The following ITGAV variants were observed in gnomAD, a reference collection of about 807,000 sequenced individuals.
ITGAV encodes the protein integrin subunit alpha V.
A neutral mutation model predicts 143.8 loss-of-function variants in ITGAV; 76 were observed. The ratio of observed to expected loss-of-function variants is 0.53; its 90% CI spans 0.44 to 0.64. The LOEUF (loss-of-function observed/expected upper bound fraction) is 0.64, where lower values mean the gene tolerates loss of function less well. Among genes scored for constraint, ITGAV ranks in the 30% least tolerant of loss-of-function variants. The probability of loss-of-function intolerance (pLI) is 0.00; values close to 1 mark genes in which losing one functional copy is unlikely to be tolerated. For missense variants in ITGAV, 1,193 were observed against 1,274.7 expected, an observed-to-expected ratio of 0.94 and a Z score of 0.98; for synonymous variants, 453 against 446.7, an observed-to-expected ratio of 1.01 and a Z score of -0.18.
chr2:186,597,553 A>G (rs1220897931), intron 1 of ITGAV, among the ~76,000 whole-genome samples: 1 of 152,210 alleles, frequency 6.6e-6, no homozygotes, highest in African/African-American at 2.4e-5. Context: ...CCCTACATTC[A>G]AAGAAGCAAT....
intron 2 of ITGAV, among the ~76,000 whole-genome samples, chr2:186,615,379 A>C (rs1687323971): frequency 6.6e-6 from 1 of 152,026 alleles, no homozygotes; most frequent in Non-Finnish European, 1.5e-5. Context: ...AAAACTGTCA[A>C]ACTATTTTCA....
intron 17 of ITGAV, among the ~76,000 whole-genome samples, chr2:186,657,086 T>C (rs927302574): frequency 6.6e-6 from 1 of 151,928 alleles, no homozygotes; most frequent in Non-Finnish European, 1.5e-5. Flanking sequence ...AGCACAAATT[T>C]GTATAAAATG....
chr2:186,602,301 A>G (rs1232816766), intron 2 of ITGAV, 150 bp downstream of exon 2: 6 of 599,026 alleles, frequency 1.0e-5, no homozygotes, highest in African/African-American at 7.6e-5. Flanking sequence ...ACGATTTATT[A>G]TATGATTTTT....
At position 186,678,811 on chromosome 2, in the gene ITGAV, T is replaced by C. The variant is rs1412243076; in HGVS notation, c.*1519T>C. Reference sequence around the variant, plus strand: ...AACTGCTGTCCTCATTAGGTAATGATAAATATTTCCCTTAAATAATTGACT... The same window carrying C: ...AACTGCTGTCCTCATTAGGTAATGACAAATATTTCCCTTAAATAATTGACT... On this transcript the variant is annotated 3_prime_UTR_variant, in exon 30 of 30. Transcript: ENST00000261023. 2.3e-6 allele frequency: 1 copy of C among 433,024 alleles called. No homozygotes were observed. The highest frequency in any genetic ancestry group is 7.2e-5 in the East Asian group (1 of 13,910). The allele number at this position is 433,024 out of a possible 1,614,324, so 26.8% of individuals were successfully genotyped here.
chr2:186,636,766 A>G (rs61765173), intron 7 of ITGAV, among the ~76,000 whole-genome samples: 41 of 152,306 alleles, frequency 2.7e-4, no homozygotes, highest in African/African-American at 9.6e-4. Context: ...GTACTTGCTG[A>G]TTGAGAGAAT....
intron 21 of ITGAV, among the ~76,000 whole-genome samples, chr2:186,666,150 G>A (rs1688890389): frequency 6.6e-6 from 1 of 152,146 alleles, no homozygotes; most frequent in Admixed American, 6.5e-5. Flanking sequence ...TCCCCAAGAA[G>A]CCTTCTTTTT....
chr2:186,652,173 C>T, intron 15 of ITGAV, 84 bp downstream of exon 15: 1 of 816,498 alleles, frequency 1.2e-6, no homozygotes, highest in African/African-American at 1.7e-5. Context: ...GGTGGTAGGG[C>T]TGAAATATTG....
At position 186,659,082 on chromosome 2, in the gene ITGAV, T is replaced by A; in HGVS notation, c.1764T>A (p.Phe588Leu). 6.2e-7 allele frequency: 1 copy of A among 1,610,900 alleles called. No homozygotes were observed. The highest frequency in any genetic ancestry group is 8.5e-7 in the Non-Finnish European group (1 of 1,177,286). Reference protein sequence around the residue: ...FRDKLTPITIFMEYRLDYRTA... With the variant: ...FRDKLTPITILMEYRLDYRTA... ...ACAAACTCACTCCAATTACTATTTT[T>A]ATGGAATATCGGTTGGATTATAGAA... is the stretch of plus-strand genomic sequence containing the variant. The change falls in exon 18 of 30, where the codon TTT becomes TTA. Residue 588 changes from phenylalanine (F) to leucine (L), a missense_variant. By Grantham distance (22) the Phe-to-Leu change is conservative (BLOSUM62 0). Transcript: ENST00000261023.
rs553554038 is a variant in ITGAV at position 186,680,835 on chromosome 2, A to G, written c.*3543A>G. On this transcript the variant is annotated 3_prime_UTR_variant, in exon 30 of 30. Transcript: ENST00000261023. ...TTGATTTGAGTTAGTGAAAACTGGTACAGTGTTCTGCTTGATTTACAACAT... is the reference window on the plus strand; with the variant it reads ...TTGATTTGAGTTAGTGAAAACTGGTGCAGTGTTCTGCTTGATTTACAACAT... 3 of 152,770 alleles carry G rather than the reference A, an allele frequency of 2.0e-5. No homozygotes were observed. The East Asian group carries it at 5.8e-4, about 29-fold the overall frequency. The allele number at this position is 152,770 out of a possible 1,614,324, so 9.5% of individuals were successfully genotyped here.
intron 16 of ITGAV, among the ~76,000 whole-genome samples, chr2:186,655,397 A>G (rs959759663): frequency 1.3e-5 from 2 of 152,170 alleles, no homozygotes; most frequent in African/African-American, 4.8e-5. Flanking sequence ...ACCTGAAGGA[A>G]ATAAGGGAGC....
At chr2:186,644,469 G>A (rs987636858) in intron 12 of ITGAV, among the ~76,000 whole-genome samples, 9 of 151,958 alleles carry the variant, frequency 5.9e-5, no homozygotes, top group Non-Finnish European at 1.2e-4. Context: ...GGGACTACAG[G>A]CACCCACCAC....
rs569306352 is a variant in ITGAV, at chr2:186,664,369, T to TA, written c.1926-121dup. On this transcript the variant is annotated intron_variant, in intron 19 of 29. Transcript: ENST00000261023. Reference sequence around the variant, plus strand: ...TTTCTATCAAGCTGTGAAGTAGTCTTAAAATACCTTGAGACACTGTTGAAC... The same window carrying TA: ...TTTCTATCAAGCTGTGAAGTAGTCTTAAAAATACCTTGAGACACTGTTGAAC... 2,479 of 915,416 alleles carry TA rather than the reference T, an allele frequency of 2.7e-3. 10 individuals are homozygous for TA. The highest frequency in any genetic ancestry group is 3.9e-3 in the Non-Finnish European group (2,352 of 609,832). 56.7% of individuals were successfully genotyped at this position (915,416 alleles called of 1,614,324 possible). A position where few individuals can be genotyped will look rare whatever the true frequency, so the allele number is the denominator to read the frequency against.
intron 4 of ITGAV, among the ~76,000 whole-genome samples, chr2:186,626,194 T>TC (rs921254531): frequency 2.0e-4 from 30 of 152,330 alleles, no homozygotes; most frequent in African/African-American, 5.8e-4. Flanking sequence ...TTTTTGGTGA[T>TC]CCAGAGGATT....
At chr2:186,666,250 G>A (rs1688892642) in intron 21 of ITGAV, among the ~76,000 whole-genome samples, 2 of 152,130 alleles carry the variant, frequency 1.3e-5, no homozygotes, top group South Asian at 4.1e-4. Context: ...TGTTATGAGA[G>A]GTGTGTGGAG....
intron 5 of ITGAV, among the ~76,000 whole-genome samples, chr2:186,633,046 A>T (rs1328505519): frequency 6.6e-6 from 1 of 151,722 alleles, no homozygotes; most frequent in Non-Finnish European, 1.5e-5. Flanking sequence ...GATAGATATA[A>T]ATCTCAGCAC....
intron 16 of ITGAV, among the ~76,000 whole-genome samples, chr2:186,655,244 G>A (rs1425442315): frequency 6.6e-6 from 1 of 152,204 alleles, no homozygotes; most frequent in Non-Finnish European, 1.5e-5. Flanking sequence ...TATTGCCAGG[G>A]TTTGTCAGTA....
intron 16 of ITGAV, among the ~76,000 whole-genome samples, chr2:186,655,269 G>A (rs1688550332): frequency 1.3e-5 from 2 of 152,170 alleles, no homozygotes; most frequent in African/African-American, 4.8e-5. Flanking sequence ...AATGGCAAGT[G>A]GTAAGGAATA....
At chr2:186,618,599 T>C (rs960221379) in intron 2 of ITGAV, among the ~76,000 whole-genome samples, 1 of 152,182 alleles carries the variant, frequency 6.6e-6, no homozygotes, top group African/African-American at 2.4e-5. Context: ...CGTATACAAA[T>C]TTAAAGAAAA....
intron 1 of ITGAV, among the ~76,000 whole-genome samples, chr2:186,596,262 T>C (rs1050354667): frequency 1.3e-5 from 2 of 152,236 alleles, no homozygotes; most frequent in African/African-American, 4.8e-5. Flanking sequence ...GCAGTGTTTG[T>C]AAATTTTAAT....
Sources: gnomAD v4.1 joint callset for allele counts (sites outside exome capture counted in the v4.1 genomes callset) on GRCh38, gnomAD v4.1.1 for gene constraint, MANE v1.5 for transcripts, NCBI Gene and HGNC (gene_info 2026-07-23, HGNC 2026-07-21) for gene names.